Variants in FAM83B observed in about 807,000 individuals in gnomAD.
FAM83B encodes the protein protein FAM83B.
In FAM83B, 26 loss-of-function variants were observed where a neutral mutation model predicts 38.8. The observed-to-expected ratio is 0.67, with a 90% confidence interval of 0.49 to 0.93. FAM83B has a LOEUF of 0.93. Ranked by LOEUF, FAM83B falls within the 40% of genes least tolerant of loss-of-function variation. The pLI is 0.00. For synonymous variants in FAM83B, 419 were observed against 423.1 expected, an observed-to-expected ratio of 0.99 and a Z score of 0.12; for missense variants, 1,237 against 1,197.3, an observed-to-expected ratio of 1.03 and a Z score of -0.49.
intron 1 of FAM83B, among the ~76,000 whole-genome samples, chr6:54,856,711 G>C (rs947470932): frequency 1.3e-5 from 2 of 152,150 alleles, no homozygotes; most frequent in Non-Finnish European, 2.9e-5. Flanking sequence ...TTTCTGATCA[G>C]ATTTGTTGGC....
At chr6:54,913,646 T>C (rs571990965) in intron 2 of FAM83B, among the ~76,000 whole-genome samples, 12 of 150,182 alleles carry the variant, frequency 8.0e-5, no homozygotes, top group Non-Finnish European at 1.8e-4. Context: ...TAAAGAGAGA[T>C]AAAAATAGAA....
Position 54,941,299 on chromosome 6 carries a change from G to A in FAM83B, c.2328G>A (p.Arg776=). 1 of 1,611,564 alleles carries A rather than the reference G, an allele frequency of 6.2e-7. No homozygotes were observed. Among genetic ancestry groups the A allele is most frequent in the Non-Finnish European group, 8.5e-7 (1 of 1,179,396 alleles). The part of the protein sequence containing the change: ...SFLKKGSQKL[R]SLLSLTPDKK... ...TGAAAAAGGGGTCTCAGAAGTTAAGGTCATTACTTAGCCTTACCCCAGATA... is the reference window on the plus strand; with the variant it reads ...TGAAAAAGGGGTCTCAGAAGTTAAGATCATTACTTAGCCTTACCCCAGATA... Residue 776 remains arginine, a synonymous_variant, in exon 5 of 5, where the codon AGG becomes AGA. Coordinates refer to ENST00000306858, the MANE Select transcript of FAM83B (RefSeq NM_001010872.3).
At chr6:54,921,384 G>A (rs1773163935) in intron 2 of FAM83B, among the ~76,000 whole-genome samples, 2 of 151,582 alleles carry the variant, frequency 1.3e-5, no homozygotes, top group African/African-American at 4.8e-5. Context: ...GTCACTTTGG[G>A]AAAATTTAGT....
chr6:54,939,799 C>T lies in FAM83B; in HGVS notation c.828C>T (p.Leu276=). The T allele has an allele frequency of 6.2e-7, 1 of 1,613,952 alleles. No homozygotes were observed. The highest frequency in any genetic ancestry group is 8.5e-7 in the Non-Finnish European group (1 of 1,179,942). ...CCTTTGATGAAGAATTTAGAACTCT[C>T]TATGCCAGATCCTGTGTCCCTAGTT... ...VESFDEEFRT[L]YARSCVPSSF... is the part of the protein sequence containing the mutation. The change falls in exon 5 of 5, where the codon CTC becomes CTT. Residue 276 remains leucine, a synonymous_variant. Transcript: ENST00000306858.
Position 54,943,232 on chromosome 6 carries a change from G to A in FAM83B, c.*1225G>A, listed in dbSNP as rs115080416. 370 of 151,932 alleles carry A rather than the reference G, an allele frequency of 2.4e-3. 3 individuals carry two copies. Among genetic ancestry groups the A allele is most frequent in the African/African-American group, 8.5e-3 (352 of 41,266 alleles). The allele number at this position is 151,932 out of a possible 1,614,324, so 9.4% of individuals were successfully genotyped here. On this transcript the variant is annotated 3_prime_UTR_variant, in exon 5 of 5. Transcript: ENST00000306858. ...TATGATATGACTGCATAGTGTTTTT[G>A]TAAGAATACCATTGGGAAAATGAGA...
At chr6:54,851,311 C>T (rs1452769275) in intron 1 of FAM83B, among the ~76,000 whole-genome samples, 2 of 151,500 alleles carry the variant, frequency 1.3e-5, no homozygotes, top group South Asian at 2.1e-4. Context: ...TTTCTCTTCA[C>T]TTACCTTCTC....
At chr6:54,898,467 A>G (rs1772586615) in intron 2 of FAM83B, among the ~76,000 whole-genome samples, 1 of 152,186 alleles carries the variant, frequency 6.6e-6, no homozygotes. Flanking sequence ...AAGGCCACAA[A>G]AAATGAAGTG....
intron 4 of FAM83B, among the ~76,000 whole-genome samples, chr6:54,937,406 G>T (rs1044989451): frequency 3.3e-5 from 5 of 151,898 alleles, no homozygotes; most frequent in African/African-American, 1.2e-4. Context: ...ATCCTGATTG[G>T]CATTTTGACT....
intron 1 of FAM83B, among the ~76,000 whole-genome samples, chr6:54,864,382 A>G (rs893494906): frequency 6.6e-6 from 1 of 152,116 alleles, no homozygotes; most frequent in East Asian, 1.9e-4. Context: ...TGTTTTTATG[A>G]GTTTGATAAG....
chr6:54,910,829 T>TG (rs1471143416), intron 2 of FAM83B, among the ~76,000 whole-genome samples: 2 of 152,218 alleles, frequency 1.3e-5, no homozygotes, highest in Non-Finnish European at 2.9e-5. Context: ...GATTTATGAC[T>TG]GGTCTTTCTG....
At position 54,942,696 on chromosome 6, in the gene FAM83B, C is replaced by A. The variant is rs757662234; in HGVS notation, c.*689C>A. ...TTCTTTCTACACTGGACCCAGGGAG[C>A]TGTCCCCCTCTTACCCATAGGCTGC... On this transcript the variant is annotated 3_prime_UTR_variant, in exon 5 of 5. Coordinates refer to ENST00000306858, the MANE Select transcript of FAM83B (RefSeq NM_001010872.3). 2.8e-5 allele frequency among the ~76,000 whole-genome samples: 4 copies of A among 141,330 alleles called. No individual in the cohort carries two copies. The highest frequency in any genetic ancestry group is 5.9e-5 in the Non-Finnish European group (4 of 67,936). 92.7% of individuals were successfully genotyped at this position (141,330 alleles called of 152,430 possible). A position where few individuals can be genotyped will look rare whatever the true frequency, so the allele number is the denominator to read the frequency against.
At chr6:54,889,376 A>AC (rs1772350232) in intron 2 of FAM83B, among the ~76,000 whole-genome samples, 1 of 152,076 alleles carries the variant, frequency 6.6e-6, no homozygotes, top group Non-Finnish European at 1.5e-5. Context: ...CATGATTTTA[A>AC]CCATTATCCC....
Position 54,849,763 on chromosome 6 carries a change from A to G in FAM83B, c.-61+2937A>G, listed in dbSNP as rs1282859672. ...TTAAGAGTGGGGTGAGAAGTCCCCT[A>G]AGGGCACATGACATTTATCTTTTCA... On this transcript the variant is annotated intron_variant, in intron 1 of 4. Coordinates refer to ENST00000306858, the MANE Select transcript of FAM83B (RefSeq NM_001010872.3). 3.3e-5 allele frequency among the ~76,000 whole-genome samples: 4 copies of G among 122,450 alleles called. No individual in the cohort carries two copies. In the South Asian group the frequency reaches 7.7e-4, roughly 24 times the overall value. 80.3% of individuals were successfully genotyped at this position (122,450 alleles called of 152,430 possible). A position where few individuals can be genotyped will look rare whatever the true frequency, so the allele number is the denominator to read the frequency against.
intron 2 of FAM83B, among the ~76,000 whole-genome samples, chr6:54,876,621 A>G (rs1772003553): frequency 6.6e-6 from 1 of 151,874 alleles, no homozygotes; most frequent in Non-Finnish European, 1.5e-5. Context: ...ACCCTGCTGG[A>G]GTGCATATAA....
At chr6:54,887,969 A>G (rs1445065928) in intron 2 of FAM83B, among the ~76,000 whole-genome samples, 1 of 149,710 alleles carries the variant, frequency 6.7e-6, no homozygotes, top group Non-Finnish European at 1.5e-5. Context: ...ATAACATGTA[A>G]TTACTGATTT....
At chr6:54,859,422 T>C (rs1771525024) in intron 1 of FAM83B, among the ~76,000 whole-genome samples, 1 of 152,204 alleles carries the variant, frequency 6.6e-6, no homozygotes, top group African/African-American at 2.4e-5. Context: ...TTTAGTCAAC[T>C]CTCACTCTGT....
At chr6:54,897,263 C>T (rs1772559714) in intron 2 of FAM83B, among the ~76,000 whole-genome samples, 1 of 150,480 alleles carries the variant, frequency 6.6e-6, no homozygotes, top group South Asian at 2.1e-4. Context: ...GGGGAAATCA[C>T]ATATGGGAAA....
chr6:54,901,805 G>A (rs1172828028), intron 2 of FAM83B, among the ~76,000 whole-genome samples: 15 of 152,080 alleles, frequency 9.9e-5, no homozygotes, highest in African/African-American at 2.4e-5. Flanking sequence ...ACTCTGACAG[G>A]TTGATGTTAT....
chr6:54,876,609 G>A (rs1041490744), intron 2 of FAM83B, among the ~76,000 whole-genome samples: 1 of 151,722 alleles, frequency 6.6e-6, no homozygotes, highest in Non-Finnish European at 1.5e-5. Flanking sequence ...ATGAGCCACC[G>A]CACCCTGCTG....
Sources: allele counts gnomAD v4.1 joint callset (sites outside exome capture counted in the v4.1 genomes callset), GRCh38; gene constraint gnomAD v4.1.1; transcripts MANE v1.5; gene names NCBI Gene and HGNC (gene_info 2026-07-23, HGNC 2026-07-21).